Variants in XKR4 observed in about 807,000 individuals in gnomAD.
The protein encoded by XKR4 is XK-related protein 4.
XKR4 carries 12 observed loss-of-function variants against 53.9 expected under a neutral mutation model. The ratio of observed to expected loss-of-function variants is 0.22; its 90% CI spans 0.14 to 0.36. The LOEUF (loss-of-function observed/expected upper bound fraction) is 0.36, where lower values mean the gene tolerates loss of function less well. XKR4 is among the 10% of genes least tolerant of loss of function. XKR4 has a pLI of 1.00. For synonymous variants in XKR4, 354 were observed against 362.4 expected (o/e 0.98, Z 0.26); for missense variants, 799 against 859.5 (o/e 0.93, Z 0.88).
chr8:55,169,441 T>A (rs1285481836), intron 1 of XKR4, among the ~76,000 whole-genome samples: 6 of 152,230 alleles, frequency 3.9e-5, no homozygotes, highest in Admixed American at 6.5e-5. Flanking sequence ...GTCATCAGTT[T>A]AGAGTTACAG....
Position 55,335,736 on chromosome 8 carries a change from C to T in XKR4, c.807-21942C>T, listed in dbSNP as rs1803450495. 2.6e-5 allele frequency among the ~76,000 whole-genome samples: 4 copies of T among 151,948 alleles called. No homozygotes were observed. In the South Asian group the frequency reaches 8.3e-4, roughly 32 times the overall value. ...ACATTTATGCAAGAAAACTACTTGG[C>T]AATAAAAAGAAATGAATGATTGATA... On this transcript the variant is annotated intron_variant, in intron 1 of 2. Coordinates refer to ENST00000327381, the MANE Select transcript of XKR4 (RefSeq NM_052898.2).
chr8:55,416,008 T>A (rs1804841017), intron 2 of XKR4, among the ~76,000 whole-genome samples: 1 of 152,102 alleles, frequency 6.6e-6, no homozygotes, highest in Non-Finnish European at 1.5e-5. Flanking sequence ...AGAAGCAATA[T>A]GATTTTGTCT....
chr8:55,181,818 G>A (rs565040304), intron 1 of XKR4, among the ~76,000 whole-genome samples: 4 of 152,076 alleles, frequency 2.6e-5, no homozygotes, highest in East Asian at 1.9e-4. Flanking sequence ...TTTGTGCTGG[G>A]AAATTTAAGA....
At chr8:55,318,197 C>G (rs1393176786) in intron 1 of XKR4, among the ~76,000 whole-genome samples, 1 of 152,134 alleles carries the variant, frequency 6.6e-6, no homozygotes, top group Non-Finnish European at 1.5e-5. Flanking sequence ...AAAAATTACC[C>G]TGACTGGCCT....
At chr8:55,453,039 A>G (rs557416829) in intron 2 of XKR4, 237 of 619,164 alleles carry the variant, frequency 3.8e-4, no homozygotes, top group South Asian at 8.8e-4. Context: ...CCTCCTGGGA[A>G]GGTGCCTCCC....
At chr8:55,186,980 AT>A (rs145928275) in intron 1 of XKR4, among the ~76,000 whole-genome samples, 37 of 149,720 alleles carry the variant, frequency 2.5e-4, no homozygotes, top group Middle Eastern at 3.5e-3. Context: ...TAGTTGCGCT[AT>A]TTTTTTTTTC....
intron 2 of XKR4, among the ~76,000 whole-genome samples, chr8:55,483,505 T>C (rs1253946818): frequency 2.0e-5 from 3 of 152,074 alleles, no homozygotes; most frequent in Non-Finnish European, 2.9e-5. Context: ...AGCCAAGATA[T>C]GAAGGATTTA....
At chr8:55,188,722 T>C (rs746818513) in intron 1 of XKR4, among the ~76,000 whole-genome samples, 15 of 152,160 alleles carry the variant, frequency 9.9e-5, no homozygotes, top group Non-Finnish European at 1.9e-4. Flanking sequence ...TCAAGATGGG[T>C]GACAAAATCA....
chr8:55,482,892 C>A (rs1806133230), intron 2 of XKR4, among the ~76,000 whole-genome samples: 1 of 152,038 alleles, frequency 6.6e-6, no homozygotes, highest in Admixed American at 6.6e-5. Flanking sequence ...TTCTGAGAAA[C>A]CTTATGCCAT....
At position 55,462,754 on chromosome 8, in the gene XKR4, G is replaced by A. The variant is rs183063742; in HGVS notation, c.1007-60527G>A. Among the ~76,000 whole-genome samples, 339 of 152,226 alleles carry A rather than the reference G, an allele frequency of 2.2e-3. 1 individual carries two copies. Among genetic ancestry groups the A allele is most frequent in the Non-Finnish European group, 4.1e-3 (279 of 68,032 alleles). On this transcript the variant is annotated intron_variant, in intron 2 of 2. Coordinates refer to ENST00000327381, the MANE Select transcript of XKR4 (RefSeq NM_052898.2). Reference sequence around the variant, plus strand: ...CATCTCACGTGCAGAGACACACATAGGCTCAAAATAAAGGCATGGAGGAAG... The same window carrying A: ...CATCTCACGTGCAGAGACACACATAAGCTCAAAATAAAGGCATGGAGGAAG...
At chr8:55,296,194 T>G (rs1483063117) in intron 1 of XKR4, among the ~76,000 whole-genome samples, 1 of 152,074 alleles carries the variant, frequency 6.6e-6, no homozygotes, top group Non-Finnish European at 1.5e-5. Context: ...GAATCCAGCA[T>G]GAGGGGAAGG....
At chr8:55,456,897 A>G (rs1465746213) in intron 2 of XKR4, among the ~76,000 whole-genome samples, 2 of 152,160 alleles carry the variant, frequency 1.3e-5, no homozygotes, top group Non-Finnish European at 2.9e-5. Flanking sequence ...CCAAAATTTG[A>G]TGAAAGGCTG....
Position 55,170,663 on chromosome 8 carries a change from G to A in XKR4, c.806+67369G>A, listed in dbSNP as rs960407841. On this transcript the variant is annotated intron_variant, in intron 1 of 2. Transcript: ENST00000327381. Reference sequence around the variant, plus strand: ...TAATGCAGATATGCATGAGACATATGTATTCATCACCTTCTCTGATTATTG... The same window carrying A: ...TAATGCAGATATGCATGAGACATATATATTCATCACCTTCTCTGATTATTG... Among the ~76,000 whole-genome samples, 5 of 152,154 alleles carry A rather than the reference G, an allele frequency of 3.3e-5. No homozygotes were observed. In the South Asian group the frequency reaches 6.2e-4, roughly 19 times the overall value.
rs544947426 is a variant in XKR4, at chr8:55,124,659, T to A, written c.806+21365T>A. ...TTTAGTGACATTTGGCCATGGTTTT[T>A]GCTGTTTTCTCAGACATACATGCCA... On this transcript the variant is annotated intron_variant, in intron 1 of 2. Transcript: ENST00000327381. Among the ~76,000 whole-genome samples the A allele has an allele frequency of 3.3e-5, 5 of 152,356 alleles. No homozygotes were observed. In the East Asian group the frequency reaches 9.6e-4, roughly 29 times the overall value.
intron 1 of XKR4, among the ~76,000 whole-genome samples, chr8:55,240,053 G>A (rs937861620): frequency 6.6e-6 from 1 of 152,146 alleles, no homozygotes; most frequent in Non-Finnish European, 1.5e-5. Flanking sequence ...GCATGTTTCT[G>A]TCTACCTGCT....
chr8:55,477,065 C>T (rs1806001101), intron 2 of XKR4, among the ~76,000 whole-genome samples: 1 of 151,656 alleles, frequency 6.6e-6, no homozygotes, highest in African/African-American at 2.4e-5. Context: ...CAGCACGCAG[C>T]TTGAGATCTG....
intron 2 of XKR4, among the ~76,000 whole-genome samples, chr8:55,446,171 T>C (rs894460870): frequency 5.9e-5 from 9 of 151,922 alleles, no homozygotes; most frequent in African/African-American, 2.2e-4. Flanking sequence ...AGAAAAAATC[T>C]ATGCTGAAAG....
At chr8:55,454,364 G>T (rs1805519449) in intron 2 of XKR4, 1 of 1,509,214 alleles carries the variant, frequency 6.6e-7, no homozygotes, top group Admixed American at 1.7e-5. Flanking sequence ...CGGCAGGATG[G>T]GCACATAGGT....
rs2129407017 is a variant in XKR4, at chr8:55,534,488, C to T, written c.*10261C>T. Reference sequence around the variant, plus strand: ...TCCCAGGTTCACACCATCCTTCTGCCTCAGCCTTCTGAGTAGGTGGGACTA... The same window carrying T: ...TCCCAGGTTCACACCATCCTTCTGCTTCAGCCTTCTGAGTAGGTGGGACTA... On this transcript the variant is annotated 3_prime_UTR_variant, in exon 3 of 3. Transcript: ENST00000327381. The T allele has an allele frequency of 6.9e-6, 1 of 145,740 alleles. No homozygotes were observed. Among genetic ancestry groups the T allele is most frequent in the South Asian group, 2.3e-4 (1 of 4,392 alleles). 9.0% of individuals were successfully genotyped at this position (145,740 alleles called of 1,614,324 possible). A position where few individuals can be genotyped will look rare whatever the true frequency, so the allele number is the denominator to read the frequency against.
Sources: gnomAD v4.1 joint callset for allele counts (sites outside exome capture counted in the v4.1 genomes callset) on GRCh38, gnomAD v4.1.1 for gene constraint, MANE v1.5 for transcripts, NCBI Gene and HGNC (gene_info 2026-07-23, HGNC 2026-07-21) for gene names.